Variants in RIMS2 observed in about 807,000 individuals in gnomAD.
RIMS2 encodes the protein regulating synaptic membrane exocytosis protein 2.
A neutral mutation model predicts 174.4 loss-of-function variants in RIMS2; 59 were observed. The ratio of observed to expected loss-of-function variants is 0.34; its 90% CI spans 0.27 to 0.42. The LOEUF (loss-of-function observed/expected upper bound fraction) is 0.42, where lower values mean the gene tolerates loss of function less well. RIMS2 is among the 10% of genes least tolerant of loss of function. The pLI, the probability that RIMS2 is intolerant of heterozygous loss-of-function variation, is 1.00. For synonymous variants in RIMS2, 606 were observed against 572.5 expected (o/e 1.06, Z -0.84); for missense variants, 1,620 against 1,666.3 (o/e 0.97, Z 0.48).
chr8:104,092,602 A>T (rs536305103), intron 19 of RIMS2, among the ~76,000 whole-genome samples: 5 of 150,922 alleles, frequency 3.3e-5, no homozygotes, highest in Non-Finnish European at 4.4e-5. Flanking sequence ...ATTATTATCC[A>T]TTTTTTTTTA....
At chr8:103,992,099 T>G (rs575560757) in intron 17 of RIMS2, among the ~76,000 whole-genome samples, 2 of 151,826 alleles carry the variant, frequency 1.3e-5, no homozygotes, top group Non-Finnish European at 2.9e-5. Context: ...TCACTTAGTG[T>G]TGTTGTTGTT....
chr8:103,929,964 A>G (rs2079575227), intron 11 of RIMS2, among the ~76,000 whole-genome samples: 2 of 151,962 alleles, frequency 1.3e-5, no homozygotes, highest in Non-Finnish European at 2.9e-5. Context: ...CCAGGGCCTC[A>G]TTCTGATTCA....
At chr8:103,562,028 C>T (rs2091668141) in intron 1 of RIMS2, among the ~76,000 whole-genome samples, 1 of 152,112 alleles carries the variant, frequency 6.6e-6, no homozygotes, top group African/African-American at 2.4e-5. Context: ...AAAGACCTGC[C>T]CCCATTATTC....
chr8:103,976,698 C>A (rs184649641), intron 16 of RIMS2: 484 of 152,230 alleles, frequency 3.2e-3, no homozygotes, highest in Non-Finnish European at 5.7e-3. Context: ...CAAGCGCACA[C>A]CACCATGCCT....
intron 3 of RIMS2, among the ~76,000 whole-genome samples, chr8:103,769,793 T>A (rs2098229063): frequency 6.6e-6 from 1 of 152,260 alleles, no homozygotes; most frequent in Non-Finnish European, 1.5e-5. Flanking sequence ...TTTTGCCTGG[T>A]GCTTTGGCTA....
chr8:104,206,558 T>G (rs1395749089), intron 19 of RIMS2, among the ~76,000 whole-genome samples: 2 of 152,242 alleles, frequency 1.3e-5, no homozygotes, highest in Non-Finnish European at 2.9e-5. Context: ...CCACGCATTG[T>G]ACTGGGGGCT....
chr8:104,223,135 C>T (rs538966497), intron 19 of RIMS2, among the ~76,000 whole-genome samples: 287 of 152,312 alleles, frequency 1.9e-3, no homozygotes, highest in Non-Finnish European at 2.8e-3. Context: ...TCTAATTAGT[C>T]ACCACTCCCT....
intron 3 of RIMS2, among the ~76,000 whole-genome samples, chr8:103,848,416 G>A (rs1443837062): frequency 6.6e-6 from 1 of 152,060 alleles, no homozygotes; most frequent in African/African-American, 2.4e-5. Context: ...CAAGTCACAT[G>A]TTTGGGCATC....
At chr8:103,662,672 GTCT>G (rs2096616504) in intron 1 of RIMS2, among the ~76,000 whole-genome samples, 1 of 149,552 alleles carries the variant, frequency 6.7e-6, no homozygotes, top group African/African-American at 2.5e-5. Flanking sequence ...AGTCAGAAGA[GTCT>G]ATCTATCTAT....
intron 19 of RIMS2, among the ~76,000 whole-genome samples, chr8:104,088,969 A>G (rs1312141022): frequency 6.6e-6 from 1 of 151,974 alleles, no homozygotes; most frequent in Admixed American, 6.6e-5. Context: ...AGAGTCTGGA[A>G]CATCCTGAAG....
At chr8:103,637,471 A>G (rs1397086843) in intron 1 of RIMS2, among the ~76,000 whole-genome samples, 4 of 152,208 alleles carry the variant, frequency 2.6e-5, no homozygotes, top group African/African-American at 9.7e-5. Context: ...TTTATGAAAG[A>G]TAAGTACTTG....
chr8:103,885,439 T>A (rs1348445581), exon 4 of RIMS2: 1 of 1,612,562 alleles, frequency 6.2e-7, no homozygotes, highest in Non-Finnish European at 8.5e-7. Flanking sequence ...GATCTCAACA[T>A]GAACCTCAGT....
intron 19 of RIMS2, among the ~76,000 whole-genome samples, chr8:104,155,867 C>T (rs1156625704): frequency 6.6e-6 from 1 of 152,142 alleles, no homozygotes; most frequent in Non-Finnish European, 1.5e-5. Context: ...GACACTATGA[C>T]ACTTTAAGAT....
intron 1 of RIMS2, among the ~76,000 whole-genome samples, chr8:103,513,197 A>G (rs1827403298): frequency 6.6e-6 from 1 of 152,154 alleles, no homozygotes; most frequent in Non-Finnish European, 1.5e-5. Flanking sequence ...GGTACATGTA[A>G]TATGAAATGC....
chr8:104,202,584 G>T (rs990859464), intron 19 of RIMS2, among the ~76,000 whole-genome samples: 1 of 152,214 alleles, frequency 6.6e-6, no homozygotes, highest in Non-Finnish European at 1.5e-5. Flanking sequence ...CAGCAGGATT[G>T]GTTTCCTCTG....
At chr8:104,170,719 T>C (rs1339274648) in intron 19 of RIMS2, among the ~76,000 whole-genome samples, 1 of 151,922 alleles carries the variant, frequency 6.6e-6, no homozygotes, top group Non-Finnish European at 1.5e-5. Flanking sequence ...ACCTAGATAC[T>C]TTTTTTTCAA....
At position 103,912,992 on chromosome 8, in the gene RIMS2, A is replaced by C. The variant is rs1335557089; in HGVS notation, c.1812+820A>C. ...GTTGTTTTTTTTTTTTTTTTTTTTG[A>C]GATGGAGTCTCGCTGTATGTCCCAG... is the stretch of plus-strand genomic sequence containing the variant. On this transcript the variant is annotated intron_variant, in intron 6 of 23. Coordinates refer to ENST00000504942, the Ensembl canonical transcript of RIMS2. Among the ~76,000 whole-genome samples, 7 of 64,324 alleles carry C rather than the reference A, an allele frequency of 1.1e-4. No homozygotes were observed. The South Asian group carries it at 3.1e-3, about 28-fold the overall frequency. 42.2% of individuals were successfully genotyped at this position (64,324 alleles called of 152,430 possible).
intron 3 of RIMS2, chr8:103,768,706 A>G (rs927921646): frequency 6.5e-6 from 5 of 769,662 alleles, no homozygotes; most frequent in Non-Finnish European, 1.2e-5. Context: ...CAGAATCCAC[A>G]AACTTTTCAA....
chr8:103,854,292 T>G (rs1418262497), intron 3 of RIMS2, among the ~76,000 whole-genome samples: 1 of 152,072 alleles, frequency 6.6e-6, no homozygotes, highest in Non-Finnish European at 1.5e-5. Flanking sequence ...GGTATAGAAT[T>G]ATATCATCAG....
Sources: allele counts gnomAD v4.1 joint callset (sites outside exome capture counted in the v4.1 genomes callset), GRCh38; gene constraint gnomAD v4.1.1; transcripts MANE v1.5; gene names NCBI Gene and HGNC (gene_info 2026-07-23, HGNC 2026-07-21).